PHPT1: variants seen among roughly 807,000 people sequenced by gnomAD.
PHPT1 encodes the protein phosphohistidine phosphatase 1.
A neutral mutation model predicts 15.6 loss-of-function variants in PHPT1; 16 were observed. That is an observed-to-expected ratio of 1.03 (90% CI 0.70 to 1.56). The LOEUF (loss-of-function observed/expected upper bound fraction) is 1.56. PHPT1 is among the 40% of genes most tolerant of loss of function. The pLI is 0.00. For missense variants in PHPT1, 228 were observed against 171.0 expected (o/e 1.33, Z -1.86); for synonymous variants, 102 against 68.1 (o/e 1.50, Z -2.45).
In PHPT1 at chr9:136,850,825, C is replaced by T. The variant is rs759754508; in HGVS notation, c.356C>T (p.Thr119Ile). The T allele has an allele frequency of 5.0e-6, 8 of 1,612,830 alleles. No homozygotes were observed. In the East Asian group the frequency reaches 8.9e-5, roughly 18 times the overall value. ...GCCAAGTACCCCGACTACGAGGTCA[C>T]CTGGGCTAACGACGGCTACTGAGCA... is the stretch of plus-strand genomic sequence containing the variant. ...IKAKYPDYEVTWANDGY is the reference protein window; with the variant it reads ...IKAKYPDYEVIWANDGY The change falls in exon 3 of 3, where the codon ACC (threonine) becomes ATC (isoleucine). Residue 119 changes from threonine to isoleucine, a missense_variant. By Grantham distance (89) the Thr-to-Ile change is moderately conservative (BLOSUM62 -1). Transcript: ENST00000247665.
chr9:136,850,950 C>A lies in PHPT1; in HGVS notation c.*103C>A, dbSNP rs774609787. 1.1e-6 allele frequency: 1 copy of A among 885,422 alleles called. No individual in the cohort carries two copies. Among genetic ancestry groups the A allele is most frequent in the East Asian group, 2.4e-5 (1 of 41,638 alleles). The allele number at this position is 885,422 out of a possible 1,614,324, so 54.8% of individuals were successfully genotyped here. A position where few individuals can be genotyped will look rare whatever the true frequency, so the allele number is the denominator to read the frequency against. ...CTGGCCCTGCCTGCTCCTGCGGCAGCCTCTGGTGACGTGCTGTCCACCAGG... is the reference window on the plus strand; with the variant it reads ...CTGGCCCTGCCTGCTCCTGCGGCAGACTCTGGTGACGTGCTGTCCACCAGG... On this transcript the variant is annotated 3_prime_UTR_variant, in exon 3 of 3. Transcript: ENST00000247665.
At chr9:136,849,826 A>G in intron 1 of PHPT1, 187 bp from the exon 2 acceptor site, 2 of 738,556 alleles carry the variant, frequency 2.7e-6, no homozygotes, top group Non-Finnish European at 4.4e-6. Flanking sequence ...GCAGTCTCCC[A>G]GTTCCCGCGC....
rs981952775 is a variant in PHPT1 at position 136,850,753 on chromosome 9, A to G, written c.286-2A>G. 1.2e-6 allele frequency: 2 copies of G among 1,612,078 alleles called. No individual in the cohort carries two copies. The highest frequency in any genetic ancestry group is 2.2e-5 in the South Asian group (2 of 91,070). ...TGCCAGCAGGCGTCTTCTCTTCTCC[A>G]GGCCTATGGTCCTGCCCAGCACGCC... On this transcript the variant is annotated splice_acceptor_variant, in intron 2 of 2. Coordinates refer to ENST00000247665, the MANE Select transcript of PHPT1 (RefSeq NM_014172.6). LOFTEE classifies it high-confidence loss of function.
At position 136,850,835 on chromosome 9, in the gene PHPT1, C is replaced by T; in HGVS notation, c.366C>T (p.Asn122=). The T allele has an allele frequency of 1.2e-6, 2 of 1,612,572 alleles. No homozygotes were observed. Among genetic ancestry groups the T allele is most frequent in the Non-Finnish European group, 8.5e-7 (1 of 1,179,512 alleles). ...KYPDYEVTWA[N]DGY ...CCGACTACGAGGTCACCTGGGCTAA[C>T]GACGGCTACTGAGCACTCCCAGCCC... Residue 122 remains asparagine, a synonymous_variant, in exon 3 of 3, where the codon AAC becomes AAT. Transcript: ENST00000247665.
intron 2 of PHPT1, 112 bp downstream of exon 2, chr9:136,850,249 G>A (rs777136545): frequency 1.4e-6 from 2 of 1,434,796 alleles, no homozygotes; most frequent in South Asian, 1.2e-5. Context: ...GCTTCCTGGG[G>A]TTCTCCCAGG....
At chr9:136,850,445 A>T (rs1693759072) in intron 2 of PHPT1, 2 of 1,461,488 alleles carry the variant, frequency 1.4e-6, no homozygotes, top group South Asian at 2.4e-5. Flanking sequence ...CCCCAGAGGC[A>T]GTCAGTACCT....
Position 136,850,796 on chromosome 9 carries a change from C to CA in PHPT1, c.330dup (p.Ala111SerfsTer12). 6.2e-7 allele frequency: 1 copy of CA among 1,613,264 alleles called. No homozygotes were observed. Among genetic ancestry groups the CA allele is most frequent in the Non-Finnish European group, 8.5e-7 (1 of 1,179,958 alleles). On this transcript the variant is annotated frameshift_variant, in exon 3 of 3. Transcript: ENST00000247665. LOFTEE classifies it high-confidence loss of function. ...AGCACGCCATTTCAACTGAGAAAAT[C>CA]AAAGCCAAGTACCCCGACTACGAGG...
In PHPT1 at chr9:136,850,211, T is replaced by C. The variant is rs764734224; in HGVS notation, c.285+74T>C. The C allele has an allele frequency of 1.1e-5, 17 of 1,594,260 alleles. No individual in the cohort carries two copies. The Admixed American group carries it at 2.9e-4, about 27-fold the overall frequency. On this transcript the variant is annotated intron_variant, in intron 2 of 2. Coordinates refer to ENST00000247665, the MANE Select transcript of PHPT1 (RefSeq NM_014172.6). The stretch of plus-strand genomic sequence containing the variant: ...CGAGGCCCACCTGAGCCTGCTGCCC[T>C]GACCCGTGGCCCCAGCTGAGCACGC...
chr9:136,850,749 C>A lies in PHPT1; in HGVS notation c.286-6C>A. The A allele has an allele frequency of 6.2e-7, 1 of 1,611,932 alleles. No individual in the cohort carries two copies. The highest frequency in any genetic ancestry group is 1.7e-5 in the Admixed American group (1 of 60,022). On this transcript the variant is annotated splice_region_variant and splice_polypyrimidine_tract_variant and intron_variant, in intron 2 of 2. Coordinates refer to ENST00000247665, the MANE Select transcript of PHPT1 (RefSeq NM_014172.6). Reference sequence around the variant, plus strand: ...GTAGTGCCAGCAGGCGTCTTCTCTTCTCCAGGCCTATGGTCCTGCCCAGCA... The same window carrying A: ...GTAGTGCCAGCAGGCGTCTTCTCTTATCCAGGCCTATGGTCCTGCCCAGCA...
intron 1 of PHPT1, 172 bp from the exon 2 acceptor site, chr9:136,849,841 C>T: frequency 1.3e-6 from 1 of 788,320 alleles, no homozygotes; most frequent in Non-Finnish European, 2.0e-6. Context: ...CCGCGCCCTC[C>T]CCGGTTCCAC....
At position 136,849,999 on chromosome 9, in the gene PHPT1, C is replaced by T. The variant is rs146064436; in HGVS notation, c.161-14C>T. 4.8e-4 allele frequency: 766 copies of T among 1,606,146 alleles called. 7 individuals carry two copies. In the African/African-American group the frequency reaches 9.2e-3, roughly 19 times the overall value. On this transcript the variant is annotated splice_polypyrimidine_tract_variant and intron_variant, in intron 1 of 2. Coordinates refer to ENST00000247665, the MANE Select transcript of PHPT1 (RefSeq NM_014172.6). ...GCGGCCAGGGCACGTCCTGAGGCCGCCCTCCCATCCCAGCGGACATCTACG... is the reference window on the plus strand; with the variant it reads ...GCGGCCAGGGCACGTCCTGAGGCCGTCCTCCCATCCCAGCGGACATCTACG...
intron 2 of PHPT1, 165 bp from the exon 3 acceptor site, chr9:136,850,590 C>A: frequency 6.2e-7 from 1 of 1,602,952 alleles, no homozygotes; most frequent in Non-Finnish European, 8.5e-7. Context: ...TCGCCTCTCC[C>A]CAGGGGAGCC....
At chr9:136,849,971 A>T in intron 1 of PHPT1, 42 bp from the exon 2 acceptor site, 1 of 1,586,630 alleles carries the variant, frequency 6.3e-7, no homozygotes, top group Non-Finnish European at 8.6e-7. Context: ...GCGGCCTCCA[A>T]GGGCGGCCAG....
At position 136,850,918 on chromosome 9, in the gene PHPT1, T is replaced by TG; in HGVS notation, c.*72dup. ...CCCCCGCCTTTGCCTGCACTCCTCTTGCAGGGCTGGCCCTGCCTGCTCCTG... is the reference window on the plus strand; with the variant it reads ...CCCCCGCCTTTGCCTGCACTCCTCTTGGCAGGGCTGGCCCTGCCTGCTCCTG... On this transcript the variant is annotated 3_prime_UTR_variant, in exon 3 of 3. Coordinates refer to ENST00000247665, the MANE Select transcript of PHPT1 (RefSeq NM_014172.6). 8.5e-7 allele frequency: 1 copy of TG among 1,170,334 alleles called. No individual in the cohort carries two copies. The highest frequency in any genetic ancestry group is 1.3e-6 in the Non-Finnish European group (1 of 777,378). The allele number at this position is 1,170,334 out of a possible 1,614,324, so 72.5% of individuals were successfully genotyped here. A position where few individuals can be genotyped will look rare whatever the true frequency, so the allele number is the denominator to read the frequency against.
At position 136,849,467 on chromosome 9, in the gene PHPT1, G is replaced by A. The variant is rs756383392; in HGVS notation, c.37G>A (p.Asp13Asn). 3.7e-6 allele frequency: 6 copies of A among 1,611,114 alleles called. No individual in the cohort carries two copies. The highest frequency in any genetic ancestry group is 5.1e-6 in the Non-Finnish European group (6 of 1,179,228). The change falls in exon 1 of 3, where the codon GAC becomes AAC. Residue 13 changes from aspartate (D) to asparagine (N), a missense_variant. Coordinates refer to ENST00000247665, the MANE Select transcript of PHPT1 (RefSeq NM_014172.6). ...VADLALIPDVDIDSDGVFKYV... is the reference protein window; with the variant it reads ...VADLALIPDVNIDSDGVFKYV... ...GGACCTCGCTCTCATTCCTGATGTGGACATCGACTCCGACGGCGTCTTCAA... is the reference window on the plus strand; with the variant it reads ...GGACCTCGCTCTCATTCCTGATGTGAACATCGACTCCGACGGCGTCTTCAA...
chr9:136,850,610 G>C, intron 2 of PHPT1, 145 bp from the exon 3 acceptor site: 1 of 1,571,502 alleles, frequency 6.4e-7, no homozygotes, highest in Middle Eastern at 1.7e-4. Flanking sequence ...CCCCAAGGGC[G>C]GTCGGGATGG....
Position 136,850,211 on chromosome 9 carries a change from T to G in PHPT1, c.285+74T>G, listed in dbSNP as rs764734224. The G allele has an allele frequency of 1.9e-6, 3 of 1,594,260 alleles. No individual in the cohort carries two copies. In the African/African-American group the frequency reaches 4.0e-5, roughly 21 times the overall value. ...CGAGGCCCACCTGAGCCTGCTGCCCTGACCCGTGGCCCCAGCTGAGCACGC... is the reference window on the plus strand; with the variant it reads ...CGAGGCCCACCTGAGCCTGCTGCCCGGACCCGTGGCCCCAGCTGAGCACGC... On this transcript the variant is annotated intron_variant, in intron 2 of 2. Coordinates refer to ENST00000247665, the MANE Select transcript of PHPT1 (RefSeq NM_014172.6).
At position 136,850,785 on chromosome 9, in the gene PHPT1, A is replaced by C. The variant is rs375578409; in HGVS notation, c.316A>C (p.Thr106Pro). 6.2e-7 allele frequency: 1 copy of C among 1,613,232 alleles called. No homozygotes were observed. ...TGGTCCTGCCCAGCACGCCATTTCA[A>C]CTGAGAAAATCAAAGCCAAGTACCC... ...AYGPAQHAISTEKIKAKYPDY... is the reference protein window; with the variant it reads ...AYGPAQHAISPEKIKAKYPDY... Residue 106 changes from threonine to proline, a missense_variant, in exon 3 of 3, where the codon ACT becomes CCT. By Grantham distance (38) the Thr-to-Pro change is conservative. Transcript: ENST00000247665.
chr9:136,850,565 GCTTGCCTGTGGAGGTCGC>G (rs747335719), intron 2 of PHPT1, 172 bp from the exon 3 acceptor site: 3 of 1,610,788 alleles, frequency 1.9e-6, no homozygotes, highest in Non-Finnish European at 2.5e-6. Context: ...ATCAAGGTTT[GCTTGCCTGTGGAGGTCGC>G]CTCTCCCCAG....
Sources: allele counts gnomAD v4.1 joint callset, GRCh38; gene constraint gnomAD v4.1.1; transcripts MANE v1.5; gene names NCBI Gene and HGNC (gene_info 2026-07-23, HGNC 2026-07-21).